Variants in ALOX15 observed in about 807,000 individuals in gnomAD.
The protein encoded by ALOX15 is polyunsaturated fatty acid lipoxygenase ALOX15.
Under a neutral mutation model 71.7 loss-of-function variants are expected in ALOX15, and 68 were observed. The ratio of observed to expected loss-of-function variants is 0.95; its 90% CI spans 0.78 to 1.16. The LOEUF (loss-of-function observed/expected upper bound fraction) is 1.16, where lower values mean the gene tolerates loss of function less well. Ranked by LOEUF, ALOX15 falls within the 50% of genes most tolerant of loss-of-function variation. ALOX15 has a pLI of 0.00. For missense variants in ALOX15, 798 were observed against 818.8 expected (o/e 0.97, Z 0.31); for synonymous variants, 346 against 333.3 (o/e 1.04, Z -0.42).
chr17:4,638,066 G>T (rs8064743), intron 6 of ALOX15, 151 bp downstream of exon 6: 1 of 618,186 alleles, frequency 1.6e-6, no homozygotes, highest in Admixed American at 3.1e-5. Context: ...GAGCAGCTGA[G>T]CTTCTCCAGG....
chr17:4,635,753 A>C lies in ALOX15; in HGVS notation c.1161+6T>G. 1 of 1,614,056 alleles carries C rather than the reference A, an allele frequency of 6.2e-7. No individual in the cohort carries two copies. The highest frequency in any genetic ancestry group is 8.5e-7 in the Non-Finnish European group (1 of 1,179,954). ...GCAGGCAAGAGAGAAGGGGATAAGG[A>C]GTTACCTTGAAGATAGGATGTATCG... On this transcript the variant is annotated splice_donor_region_variant and intron_variant, in intron 8 of 13. Transcript: ENST00000293761.
intron 1 of ALOX15, among the ~76,000 whole-genome samples, chr17:4,641,222 T>C (rs1431274707): frequency 5.3e-5 from 8 of 151,426 alleles, no homozygotes; most frequent in African/African-American, 1.7e-4. Flanking sequence ...CGACGGCGGC[T>C]CCAGTGACTG....
chr17:4,636,056 CG>C, intron 7 of ALOX15, 88 bp from the exon 8 acceptor site: 2 of 1,394,098 alleles, frequency 1.4e-6, no homozygotes, highest in Non-Finnish European at 2.0e-6. Flanking sequence ...CCTCACCCTT[CG>C]TCCTCCAAAC....
rs1312979417 is a variant in ALOX15, at chr17:4,632,820, G to A, written c.1540+41C>T. On this transcript the variant is annotated intron_variant, in intron 11 of 13. Coordinates refer to ENST00000293761, the MANE Select transcript of ALOX15 (RefSeq NM_001140.5). The stretch of plus-strand genomic sequence containing the variant: ...ACAGGGGATTCTGGGAAGATCTCTT[G>A]GGCTTTGTGTCTGAGATCTCAGGGC... 3.1e-6 allele frequency: 5 copies of A among 1,613,290 alleles called. No homozygotes were observed. In the African/African-American group the frequency reaches 5.3e-5, roughly 17 times the overall value.
At chr17:4,631,817 AC>A in intron 13 of ALOX15, 38 bp from the exon 14 acceptor site, 1 of 1,610,880 alleles carries the variant, frequency 6.2e-7, no homozygotes, top group Non-Finnish European at 8.5e-7. Context: ...GAGCCTTATG[AC>A]CCCCAGTCTG....
At chr17:4,641,446 T>TA (rs1196351216) in intron 1 of ALOX15, 71 bp downstream of exon 1, 6 of 1,554,232 alleles carry the variant, frequency 3.9e-6, no homozygotes, top group Non-Finnish European at 5.2e-6. Context: ...CGGGGGCGCA[T>TA]GTCCTCCCCG....
At position 4,641,492 on chromosome 17, in the gene ALOX15, C is replaced by G. The variant is rs775589774; in HGVS notation, c.135+25G>C. The G allele has an allele frequency of 6.9e-6, 11 of 1,603,710 alleles. No homozygotes were observed. The Middle Eastern group carries it at 6.7e-4, about 98-fold the overall frequency. On this transcript the variant is annotated intron_variant, in intron 1 of 13. Coordinates refer to ENST00000293761, the MANE Select transcript of ALOX15 (RefSeq NM_001140.5). ...GACTCGGAGCCAGGGGCGCAGCCCA[C>G]CCCGCCCGGCTCTGGGGAGCTCACC...
Position 4,631,671 on chromosome 17 carries a change from G to A in ALOX15, c.1918C>T (p.Arg640Trp), listed in dbSNP as rs202055757. The A allele has an allele frequency of 2.2e-5, 35 of 1,614,136 alleles. No homozygotes were observed. Among genetic ancestry groups the A allele is most frequent in the East Asian group, 1.6e-4 (7 of 44,886 alleles). The change falls in exon 14 of 14, where the codon CGG becomes TGG. Residue 640 changes from arginine (R) to tryptophan (W), a missense_variant. Arg to Trp is a moderately radical substitution (Grantham distance 101). Transcript: ENST00000293761. ...TAGGGCATGTCCAGCTTTGCATTCC[G>A]GATCTCAATTTCCTTATCCAGGGCA... ...LAALDKEIEI[R>W]NAKLDMPYEY...
At position 4,631,645 on chromosome 17, in the gene ALOX15, G is replaced by T. The variant is rs760274100; in HGVS notation, c.1944C>A (p.Tyr648Ter). Residue 648 changes from tyrosine (Y) to a stop codon, truncating the protein, a stop_gained, in exon 14 of 14, where the codon TAC becomes TAA. Transcript: ENST00000293761. LOFTEE classifies it high-confidence loss of function. The part of the protein sequence containing the change: ...EIRNAKLDMP[Y>*]EYLRPSVVEN... The stretch of plus-strand genomic sequence containing the variant: ...CCACCACGCTGGGCCGCAGGTACTC[G>T]TAGGGCATGTCCAGCTTTGCATTCC... 1.9e-6 allele frequency: 3 copies of T among 1,613,988 alleles called. No individual in the cohort carries two copies. The Admixed American group carries it at 5.0e-5, about 27-fold the overall frequency.
chr17:4,632,760 G>A (rs1910957607), intron 11 of ALOX15, 101 bp downstream of exon 11: 1 of 1,567,744 alleles, frequency 6.4e-7, no homozygotes, highest in Non-Finnish European at 8.7e-7. Flanking sequence ...GTTCTCATAG[G>A]TGTTGAAAAT....
intron 10 of ALOX15, 76 bp from the exon 11 acceptor site, chr17:4,633,058 G>A: frequency 6.2e-7 from 1 of 1,611,206 alleles, no homozygotes; most frequent in Non-Finnish European, 8.5e-7. Context: ...CAGGGCCCCA[G>A]GCCCCCAACC....
rs148035053 is a variant in ALOX15, at chr17:4,633,354, T to C, written c.1249-39A>G. Reference sequence around the variant, plus strand: ...GTGAGCAGGGTCAGGCGAATCGACCTGCCCTGAATCCAGAGCTGGAAAAAA... The same window carrying C: ...GTGAGCAGGGTCAGGCGAATCGACCCGCCCTGAATCCAGAGCTGGAAAAAA... On this transcript the variant is annotated intron_variant, in intron 9 of 13. Transcript: ENST00000293761. The C allele has an allele frequency of 1.9e-6, 3 of 1,610,930 alleles. No homozygotes were observed. In the African/African-American group the frequency reaches 4.0e-5, roughly 21 times the overall value.
At chr17:4,639,380 G>C in intron 2 of ALOX15, 50 bp downstream of exon 2, 1 of 1,602,712 alleles carries the variant, frequency 6.2e-7, no homozygotes, top group African/African-American at 1.3e-5. Flanking sequence ...CATCCCCCCA[G>C]CTTCTCACAC....
chr17:4,631,996 T>C lies in ALOX15; in HGVS notation c.1702A>G (p.Thr568Ala). ...PCTMRLPPPT[T>A]KDATLETVMA... ...ACTGTCTCCAGCGTTGCATCCTTGG[T>C]GGTTGGCGGGGGCAGCCGCATCGTG... Residue 568 changes from threonine (T) to alanine (A), a missense_variant, in exon 13 of 14, where the codon ACC (threonine) becomes GCC (alanine). Physicochemically the swap from Thr to Ala is moderately conservative, Grantham distance 58 (BLOSUM62 0). Coordinates refer to ENST00000293761, the MANE Select transcript of ALOX15 (RefSeq NM_001140.5). 1 of 1,613,994 alleles carries C rather than the reference T, an allele frequency of 6.2e-7. No individual in the cohort carries two copies. Among genetic ancestry groups the C allele is most frequent in the Non-Finnish European group, 8.5e-7 (1 of 1,180,006 alleles).
At chr17:4,632,157 C>T (rs1402762478) in intron 12 of ALOX15, 24 bp downstream of exon 12, 16 of 1,613,928 alleles carry the variant, frequency 9.9e-6, no homozygotes, top group Non-Finnish European at 1.4e-5. Context: ...CCCAAATTCC[C>T]AGCTGCCCAT....
In ALOX15 at chr17:4,632,167, T is replaced by C. The variant is rs1341033523; in HGVS notation, c.1641+14A>G. 1 of 1,613,976 alleles carries C rather than the reference T, an allele frequency of 6.2e-7. No individual in the cohort carries two copies. Among genetic ancestry groups the C allele is most frequent in the Non-Finnish European group, 8.5e-7 (1 of 1,179,964 alleles). On this transcript the variant is annotated intron_variant, in intron 12 of 13. Coordinates refer to ENST00000293761, the MANE Select transcript of ALOX15 (RefSeq NM_001140.5). ...CAGGCCCCAAATTCCCAGCTGCCCATCTCTGGTAAGTACCTGGCCCAGGTG... is the reference window on the plus strand; with the variant it reads ...CAGGCCCCAAATTCCCAGCTGCCCACCTCTGGTAAGTACCTGGCCCAGGTG...
At position 4,632,194 on chromosome 17, in the gene ALOX15, A is replaced by C. The variant is rs1332030630; in HGVS notation, c.1628T>G (p.Val543Gly). Residue 543 changes from valine (V) to glycine (G), a missense_variant, in exon 12 of 14, where the codon GTG (valine) becomes GGG (glycine). Around this residue, in one of 3 missense-constraint regions of ALOX15, gnomAD observed 490 missense variants for 509.4 expected, o/e 0.96. Coordinates refer to ENST00000293761, the MANE Select transcript of ALOX15 (RefSeq NM_001140.5). ...TCTGGTAAGTACCTGGCCCAGGTGC[A>C]CAGAGGCGTGTTGGCCGGTGCAGGT... ...IFTCTGQHAS[V>G]HLGQLDWYSW... 6.2e-7 allele frequency: 1 copy of C among 1,614,218 alleles called. No individual in the cohort carries two copies. Among genetic ancestry groups the C allele is most frequent in the Non-Finnish European group, 8.5e-7 (1 of 1,180,038 alleles).
chr17:4,634,428 G>A (rs1030836226), intron 8 of ALOX15, among the ~76,000 whole-genome samples: 5 of 151,484 alleles, frequency 3.3e-5, no homozygotes, highest in African/African-American at 4.9e-5. Context: ...TCAGCCTCCC[G>A]AGTAGCTGGG....
At chr17:4,639,751 C>CG in intron 1 of ALOX15, 120 bp from the exon 2 acceptor site, 4 of 1,012,024 alleles carry the variant, frequency 4.0e-6, no homozygotes, top group Non-Finnish European at 5.7e-6. Flanking sequence ...GGAGACGTAT[C>CG]GGGGTGCGGG....
Sources: allele counts gnomAD v4.1 joint callset (sites outside exome capture counted in the v4.1 genomes callset), GRCh38; gene constraint gnomAD v4.1.1; regional missense constraint gnomAD v4.1.1; transcripts MANE v1.5; gene names NCBI Gene and HGNC (gene_info 2026-07-23, HGNC 2026-07-21).